MYBPC1: variants seen among roughly 807,000 people sequenced by gnomAD.
MYBPC1 encodes myosin binding protein C1.
A neutral mutation model predicts 147.1 loss-of-function variants in MYBPC1; 52 were observed. That is an observed-to-expected ratio of 0.35 (90% CI 0.28 to 0.45). The LOEUF (loss-of-function observed/expected upper bound fraction) is 0.45, where lower values mean the gene tolerates loss of function less well. MYBPC1 is among the 20% of genes least tolerant of loss of function. MYBPC1 has a pLI of 1.00. For synonymous variants in MYBPC1, 477 were observed against 475.9 expected, an observed-to-expected ratio of 1.00 and a Z score of -0.03; for missense variants, 1,228 against 1,440.3, an observed-to-expected ratio of 0.85 and a Z score of 2.39.
the MYBPC1 span, among the ~76,000 whole-genome samples, chr12:101,695,319 A>G: frequency 7.2e-5 from 11 of 152,244 alleles, no homozygotes; most frequent in Non-Finnish European, 1.5e-4. Context: ...GGTGGCTTAT[A>G]TAGCAGGGAT....
At chr12:101,624,833 G>A (rs71464281) in intron 3 of MYBPC1, among the ~76,000 whole-genome samples, 5 of 151,960 alleles carry the variant, frequency 3.3e-5, no homozygotes, top group African/African-American at 7.3e-5. Flanking sequence ...CAGAGGTTCA[G>A]ATAACAACAA....
intron 22 of MYBPC1, chr12:101,666,848 C>T (rs1897532261): frequency 2.6e-6 from 4 of 1,520,292 alleles, no homozygotes; most frequent in Non-Finnish European, 3.6e-6. Context: ...TATAATGTTT[C>T]TGGGAATATT....
intron 6 of MYBPC1, among the ~76,000 whole-genome samples, 193 bp downstream of exon 6, chr12:101,629,737 G>A (rs564280070): frequency 4.6e-4 from 70 of 152,166 alleles, no homozygotes; most frequent in Non-Finnish European, 7.9e-4. Context: ...GCAGGGCATG[G>A]TGGCAGACAC....
At chr12:101,659,502 TATA>T (rs923230796) in intron 18 of MYBPC1, among the ~76,000 whole-genome samples, 167 bp from the exon 19 acceptor site, 1 of 152,150 alleles carries the variant, frequency 6.6e-6, no homozygotes, top group African/African-American at 2.4e-5. Flanking sequence ...TGAGAAAACA[TATA>T]ATAGGCATGA....
chr12:101,606,520 T>G (rs1882264139), intron 1 of MYBPC1, among the ~76,000 whole-genome samples: 2 of 151,016 alleles, frequency 1.3e-5, no homozygotes, highest in Non-Finnish European at 1.5e-5. Flanking sequence ...CCCGGCCTGG[T>G]CTTGAACTCC....
At chr12:101,646,703 TAAAGA>T in intron 12 of MYBPC1, 55 bp from the exon 13 acceptor site, 4 of 1,590,296 alleles carry the variant, frequency 2.5e-6, no homozygotes, top group Non-Finnish European at 3.4e-6. Context: ...TTGCTGGCAA[TAAAGA>T]AAAGAATAAA....
At chr12:101,685,517 A>T in intron 31 of MYBPC1, 65 bp from the exon 32 acceptor site, 1 of 1,113,874 alleles carries the variant, frequency 9.0e-7, no homozygotes, top group Non-Finnish European at 1.3e-6. Context: ...GTCAAGAAGT[A>T]TTGTTTCAGC....
At chr12:101,692,949 T>A in the MYBPC1 span, among the ~76,000 whole-genome samples, 1 of 147,016 alleles carries the variant, frequency 6.8e-6, no homozygotes, top group African/African-American at 2.5e-5. Context: ...TACCTTCACT[T>A]TTTTTTTTTT....
At chr12:101,674,805 G>A in intron 25 of MYBPC1, among the ~76,000 whole-genome samples, 1 of 137,334 alleles carries the variant, frequency 7.3e-6, no homozygotes, top group Non-Finnish European at 1.5e-5. Context: ...GGAGACTGCT[G>A]TGAGCCAAGA....
rs765001117 is a variant in MYBPC1 at position 101,677,385 on chromosome 12, G to A, written c.3100G>A (p.Ala1034Thr). The part of the protein sequence containing the change: ...ATMTKESAVI[A>T]RDGKIYKNPV... ...CATGACTAAAGAGAGTGCAGTGATC[G>A]CCAGGGATGGTGAGTTGGGAATGGA... Residue 1034 changes from alanine to threonine, a missense_variant, in exon 27 of 32, where the codon GCC becomes ACC. Transcript: ENST00000361466. 16 of 1,613,744 alleles carry A rather than the reference G, an allele frequency of 9.9e-6. No homozygotes were observed. The highest frequency in any genetic ancestry group is 1.6e-4 in the Middle Eastern group (1 of 6,078).
chr12:101,651,388 G>C lies in MYBPC1; in HGVS notation c.1521G>C (p.Lys507Asn). 1 of 1,614,004 alleles carries C rather than the reference G, an allele frequency of 6.2e-7. No individual in the cohort carries two copies. Among genetic ancestry groups the C allele is most frequent in the Non-Finnish European group, 8.5e-7 (1 of 1,179,890 alleles). ...QESDRLKVVH[K>N]GRIHKLVIAN... is the part of the protein sequence containing the mutation. ...GTGACCGTCTAAAGGTGGTTCACAA[G>C]GGAAGGTAAGCGAGCCAGGTGACCC... is the stretch of plus-strand genomic sequence containing the variant. Residue 507 changes from lysine (K) to asparagine (N), a missense_variant, in exon 16 of 32, where the codon AAG (lysine) becomes AAC (asparagine). Around this residue, in one of 2 missense-constraint regions of MYBPC1, gnomAD observed 1,077 missense variants for 1,314.2 expected, o/e 0.82. Transcript: ENST00000361466.
chr12:101,675,884 A>C (rs1180085581), intron 26 of MYBPC1, among the ~76,000 whole-genome samples: 1 of 152,230 alleles, frequency 6.6e-6, no homozygotes, highest in African/African-American at 2.4e-5. Flanking sequence ...TTATGTCTAC[A>C]AAAAAGTAAA....
chr12:101,687,711 C>T (rs73182458), downstream of MYBPC1, among the ~76,000 whole-genome samples: 17,427 of 152,188 alleles, frequency 0.11, 2,031 homozygotes, highest in African/African-American at 0.3. Context: ...GGGTCTTAGC[C>T]ATAGTGCAGC....
chr12:101,644,941 T>G (rs1892756812), intron 12 of MYBPC1, 145 bp downstream of exon 12: 3 of 847,306 alleles, frequency 3.5e-6, no homozygotes, highest in Admixed American at 2.2e-5. Context: ...TAAGTCACAT[T>G]TTATTTATTA....
chr12:101,672,483 G>C (rs1898933374), intron 24 of MYBPC1, among the ~76,000 whole-genome samples: 1 of 152,140 alleles, frequency 6.6e-6, no homozygotes, highest in Non-Finnish European at 1.5e-5. Flanking sequence ...ACAGCGAGAG[G>C]GAACAGAGAG....
Position 101,685,527 on chromosome 12 carries a change from C to T in MYBPC1, c.*20-55C>T, listed in dbSNP as rs982679489. The T allele has an allele frequency of 1.9e-5, 24 of 1,238,974 alleles. No homozygotes were observed. In the Admixed American group the frequency reaches 2.6e-4, roughly 13 times the overall value. The allele number at this position is 1,238,974 out of a possible 1,614,324, so 76.7% of individuals were successfully genotyped here. On this transcript the variant is annotated intron_variant, in intron 31 of 31. Transcript: ENST00000361466. The stretch of plus-strand genomic sequence containing the variant: ...AGCTAGTCAAGAAGTATTGTTTCAG[C>T]GATTTTTCAGGTAGATGGTTTTGAT...
chr12:101,626,066 CAA>C (rs1404784638), intron 3 of MYBPC1, among the ~76,000 whole-genome samples: 2 of 62,772 alleles, frequency 3.2e-5, no homozygotes, highest in African/African-American at 1.4e-4. Context: ...CCAGCCTGGG[CAA>C]AAAGAGTGAA....
At chr12:101,642,610 G>A (rs772902267) in intron 11 of MYBPC1, 25 bp downstream of exon 11, 19 of 1,597,808 alleles carry the variant, frequency 1.2e-5, no homozygotes, top group Non-Finnish European at 1.6e-5. Flanking sequence ...GGGCGAGGCA[G>A]CGGCCGAGGG....
intron 3 of MYBPC1, among the ~76,000 whole-genome samples, chr12:101,625,054 TG>T: frequency 6.6e-6 from 1 of 152,262 alleles, no homozygotes; most frequent in East Asian, 1.9e-4. Context: ...GCAATAAAAC[TG>T]GTTATGACTT....
Sources: gnomAD v4.1 joint callset for allele counts (sites outside exome capture counted in the v4.1 genomes callset) on GRCh38, gnomAD v4.1.1 for gene constraint, gnomAD v4.1.1 regional missense constraint, MANE v1.5 for transcripts, NCBI Gene and HGNC (gene_info 2026-07-23, HGNC 2026-07-21) for gene names.